Variants in HCRTR2 observed in about 807,000 individuals in gnomAD.
The protein encoded by HCRTR2 is orexin receptor type 2.
Under a neutral mutation model 49.0 loss-of-function variants are expected in HCRTR2, and 22 were observed. The observed-to-expected ratio is 0.45, with a 90% CI of 0.32 to 0.64. HCRTR2 has a LOEUF of 0.64. Among genes scored for constraint, HCRTR2 ranks in the 30% least tolerant of loss-of-function variants. The pLI is 0.04. For missense variants in HCRTR2, 491 were observed against 559.4 expected, an observed-to-expected ratio of 0.88 and a Z score of 1.23; for synonymous variants, 236 against 205.3, an observed-to-expected ratio of 1.15 and a Z score of -1.28.
At chr6:55,224,464 A>G (rs1450722946) in intron 1 of HCRTR2, among the ~76,000 whole-genome samples, 2 of 150,132 alleles carry the variant, frequency 1.3e-5, no homozygotes, top group Non-Finnish European at 3.0e-5. Context: ...AAAAAAAAAT[A>G]CAAAAAAAAT....
upstream of HCRTR2, among the ~76,000 whole-genome samples, chr6:55,170,233 T>A (rs1361677304): frequency 6.7e-6 from 1 of 149,206 alleles, no homozygotes; most frequent in Non-Finnish European, 1.5e-5. Context: ...TGTATATACT[T>A]ATACAATATA....
intron 1 of HCRTR2, among the ~76,000 whole-genome samples, chr6:55,214,283 C>T (rs1210271756): frequency 6.6e-6 from 1 of 152,120 alleles, no homozygotes; most frequent in Admixed American, 6.6e-5. Context: ...AGGCCTTTCT[C>T]TGTATCAAGC....
rs1488936511 is a variant in HCRTR2, at chr6:55,125,313, G to A, written c.-378+18768G>A. Among the ~76,000 whole-genome samples, 3 of 152,126 alleles carry A rather than the reference G, an allele frequency of 2.0e-5. 1 individual carries two copies. The highest frequency in any genetic ancestry group is 6.3e-3 in the Middle Eastern group (2 of 316). The stretch of plus-strand genomic sequence containing the variant: ...GCTCTTGTAAGGCAGGTCTGGTGGT[G>A]ACAAAATCTCTCAGCATTTGCTTTT... On this transcript the variant is annotated intron_variant, in intron 1 of 7. Coordinates refer to the HCRTR2 transcript ENST00000615358.
chr6:55,217,428 C>A (rs891331288), intron 1 of HCRTR2, among the ~76,000 whole-genome samples: 6 of 152,132 alleles, frequency 3.9e-5, no homozygotes, highest in African/African-American at 1.4e-4. Context: ...CCAAAAGTAA[C>A]CACACAGCCA....
intron 4 of HCRTR2, among the ~76,000 whole-genome samples, chr6:55,268,351 T>G (rs1165163773): frequency 6.6e-6 from 1 of 152,056 alleles, no homozygotes; most frequent in Non-Finnish European, 1.5e-5. Flanking sequence ...TTATATTTTC[T>G]TAATAATTAG....
intron 1 of HCRTR2, among the ~76,000 whole-genome samples, chr6:55,111,463 A>G (rs889472650): frequency 1.3e-5 from 2 of 151,912 alleles, no homozygotes; most frequent in Non-Finnish European, 2.9e-5. Context: ...AACAAAATGG[A>G]AGATATTAAA....
chr6:55,233,777 T>C (rs1243132781), intron 1 of HCRTR2, among the ~76,000 whole-genome samples: 1 of 152,210 alleles, frequency 6.6e-6, no homozygotes, highest in Non-Finnish European at 1.5e-5. Context: ...GTCTTTGCTT[T>C]ATTTACTCAA....
At position 55,162,529 on chromosome 6, in the gene HCRTR2, G is replaced by C. The variant is rs568900588; in HGVS notation, c.-377-11682G>C. Among the ~76,000 whole-genome samples the C allele has an allele frequency of 1.6e-4, 24 of 152,256 alleles. 1 individual carries two copies. In the East Asian group the frequency reaches 4.6e-3, roughly 29 times the overall value. ...AAAGAAATAGAAGGTATTCAAATAG[G>C]AAGAGAAGAAGTCAAATTGTCTCTG... On this transcript the variant is annotated intron_variant, in intron 1 of 7. Transcript: ENST00000615358.
downstream of HCRTR2, among the ~76,000 whole-genome samples, chr6:55,283,161 C>A (rs1438955664): frequency 6.6e-6 from 1 of 152,170 alleles, no homozygotes; most frequent in South Asian, 2.1e-4. Context: ...TAAATCACAT[C>A]ATTATATTCT....
chr6:55,143,557 G>T (rs1482657755), intron 1 of HCRTR2, among the ~76,000 whole-genome samples: 1 of 152,202 alleles, frequency 6.6e-6, no homozygotes, highest in Non-Finnish European at 1.5e-5. Flanking sequence ...TTGGAATTGT[G>T]TGACTGATGT....
intron 4 of HCRTR2, among the ~76,000 whole-genome samples, chr6:55,275,448 G>A (rs920097177): frequency 6.6e-5 from 10 of 152,032 alleles, no homozygotes; most frequent in African/African-American, 2.2e-4. Flanking sequence ...AATTCTCCAT[G>A]TCTCTAGACA....
At chr6:55,135,131 T>C (rs183114950) in intron 1 of HCRTR2, among the ~76,000 whole-genome samples, 49 of 152,136 alleles carry the variant, frequency 3.2e-4, no homozygotes, top group Middle Eastern at 6.8e-3. Flanking sequence ...AGAAAGTGAA[T>C]GGTAAAGACT....
intron 1 of HCRTR2, among the ~76,000 whole-genome samples, chr6:55,212,363 A>C (rs1011845265): frequency 1.3e-5 from 2 of 152,172 alleles, no homozygotes; most frequent in Admixed American, 6.5e-5. Context: ...AAGTAGTAAC[A>C]TGCCCAGCTT....
chr6:55,193,312 C>CAT (rs1369477212), intron 1 of HCRTR2, among the ~76,000 whole-genome samples: 5 of 151,964 alleles, frequency 3.3e-5, no homozygotes, highest in Admixed American at 2.6e-4. Flanking sequence ...GGTCTAAAAT[C>CAT]ATATATATAA....
intron 2 of HCRTR2, among the ~76,000 whole-genome samples, chr6:55,250,444 G>A (rs76029739): frequency 0.071 from 10,877 of 152,184 alleles, 642 homozygotes; most frequent in African/African-American, 0.16. Flanking sequence ...CTACCCAGGA[G>A]AATATTTTGA....
chr6:55,173,996 C>T (rs76803440), upstream of HCRTR2, among the ~76,000 whole-genome samples: 792 of 152,172 alleles, frequency 5.2e-3, 6 homozygotes, highest in African/African-American at 0.018. Context: ...TTTATATTTG[C>T]TTTACAAAGA....
intron 1 of HCRTR2, among the ~76,000 whole-genome samples, chr6:55,155,844 T>C (rs189961124): frequency 1.8e-4 from 27 of 152,138 alleles, no homozygotes; most frequent in African/African-American, 6.5e-4. Flanking sequence ...AAAGTTTGAT[T>C]CATCTTATCT....
At chr6:55,210,026 AC>A in intron 1 of HCRTR2, among the ~76,000 whole-genome samples, 1 of 152,202 alleles carries the variant, frequency 6.6e-6, no homozygotes, top group Admixed American at 6.6e-5. Context: ...GGAGTAGAAA[AC>A]TTTTAGATAA....
At chr6:55,254,380 A>T (rs895649803) in intron 2 of HCRTR2, among the ~76,000 whole-genome samples, 1 of 152,130 alleles carries the variant, frequency 6.6e-6, no homozygotes, top group Non-Finnish European at 1.5e-5. Flanking sequence ...ATGAATTTTT[A>T]AAATTTTTTG....
Sources: allele counts gnomAD v4.1 joint callset (sites outside exome capture counted in the v4.1 genomes callset), GRCh38; gene constraint gnomAD v4.1.1; transcripts MANE v1.5; gene names NCBI Gene and HGNC (gene_info 2026-07-23, HGNC 2026-07-21).